The following DNAH5 variants were observed in gnomAD, a reference collection of about 807,000 sequenced individuals.
DNAH5 encodes axonemal beta dynein heavy chain 5.
In DNAH5, 372 loss-of-function variants were observed where a neutral mutation model predicts 518.2. The ratio of observed to expected loss-of-function variants is 0.72; its 90% CI spans 0.66 to 0.78. DNAH5 has a LOEUF of 0.78. Ranked by LOEUF, DNAH5 falls within the 30% of genes least tolerant of loss-of-function variation. The pLI is 0.00. For missense variants in DNAH5, 5,523 were observed against 5,687.0 expected (o/e 0.97, Z 0.93); for synonymous variants, 2,039 against 2,025.9 (o/e 1.01, Z -0.17).
At chr5:13,976,021 T>C (rs1412539651) in intron 1 of DNAH5, among the ~76,000 whole-genome samples, 2 of 152,012 alleles carry the variant, frequency 1.3e-5, no homozygotes, top group Non-Finnish European at 2.9e-5. Flanking sequence ...AAAACAAGAC[T>C]CTGCATCTAA....
chr5:13,811,616 G>C, intron 44 of DNAH5, 31 bp downstream of exon 44: 4 of 1,606,340 alleles, frequency 2.5e-6, no homozygotes, highest in Non-Finnish European at 3.4e-6. Context: ...GTTGATAAGA[G>C]AGAATTTCTC....
chr5:13,756,426 T>C (rs1751008585), intron 61 of DNAH5, among the ~76,000 whole-genome samples: 1 of 152,212 alleles, frequency 6.6e-6, no homozygotes, highest in Non-Finnish European at 1.5e-5. Flanking sequence ...TGTGGTCCCA[T>C]GATTATTTAC....
chr5:13,890,690 T>C (rs1217168440), intron 17 of DNAH5, among the ~76,000 whole-genome samples: 4 of 152,258 alleles, frequency 2.6e-5, no homozygotes, highest in East Asian at 1.9e-4. Flanking sequence ...TTCTGCAAGA[T>C]AGCTCTATCC....
At chr5:13,998,211 G>C (rs971243448) in intron 1 of DNAH5, among the ~76,000 whole-genome samples, 3 of 152,140 alleles carry the variant, frequency 2.0e-5, no homozygotes, top group Non-Finnish European at 2.9e-5. Flanking sequence ...TGTCTGGCGA[G>C]GGCTCACTCT....
At chr5:14,000,171 T>C (rs1784250599) in intron 1 of DNAH5, among the ~76,000 whole-genome samples, 1 of 152,204 alleles carries the variant, frequency 6.6e-6, no homozygotes, top group African/African-American at 2.4e-5. Flanking sequence ...CTCTATCCAA[T>C]CTGACTGGCG....
chr5:13,727,428 T>A (rs1165072016), intron 70 of DNAH5, 79 bp downstream of exon 70: 1 of 1,359,610 alleles, frequency 7.4e-7, no homozygotes, highest in Non-Finnish European at 1.0e-6. Flanking sequence ...AATTCACATT[T>A]AAAATATTTT....
At chr5:13,846,005 T>TC in intron 31 of DNAH5, among the ~76,000 whole-genome samples, 1 of 150,908 alleles carries the variant, frequency 6.6e-6, no homozygotes, top group East Asian at 1.9e-4. Context: ...TAATATTTTT[T>TC]TTTTTTTTTT....
At chr5:13,919,384 T>G in intron 6 of DNAH5, 32 bp from the exon 7 acceptor site, 4 of 1,611,366 alleles carry the variant, frequency 2.5e-6, no homozygotes, top group Non-Finnish European at 3.4e-6. Flanking sequence ...CACGAGCCAT[T>G]GCACGGGGCT....
At position 13,737,259 on chromosome 5, in the gene DNAH5, G is replaced by C; in HGVS notation, c.11448C>G (p.Tyr3816Ter). The C allele has an allele frequency of 1.2e-6, 2 of 1,613,986 alleles. No homozygotes were observed. The highest frequency in any genetic ancestry group is 1.1e-5 in the South Asian group (1 of 91,074). The change falls in exon 66 of 79, where the codon TAC becomes TAG. Residue 3816 changes from tyrosine to a stop codon, truncating the protein, a stop_gained. Coordinates refer to ENST00000265104, the MANE Select transcript of DNAH5 (RefSeq NM_001369.3). LOFTEE classifies it high-confidence loss of function. ...TTTCATTACCAAACTCACCAGGTCT[G>C]TATTCCTCCCGGGCTGAGTTAATTT... ...EVQINSAREE[Y>*]RPVATRGSIL...
At chr5:13,949,887 T>A (rs1353895485) in intron 1 of DNAH5, among the ~76,000 whole-genome samples, 1 of 152,190 alleles carries the variant, frequency 6.6e-6, no homozygotes, top group Admixed American at 6.5e-5. Context: ...ATCCTGTACA[T>A]ACTGGTTGCT....
chr5:13,919,810 G>A (rs1159487810), intron 6 of DNAH5, among the ~76,000 whole-genome samples: 1 of 152,114 alleles, frequency 6.6e-6, no homozygotes, highest in Non-Finnish European at 1.5e-5. Context: ...TTAGATTGGT[G>A]CAAAAGTAAT....
At chr5:13,906,735 AATAACAAATC>A (rs1479129886) in intron 12 of DNAH5, among the ~76,000 whole-genome samples, 1 of 152,238 alleles carries the variant, frequency 6.6e-6, no homozygotes, top group African/African-American at 2.4e-5. Context: ...CCATGAGTAA[AATAACAAATC>A]ATAACAAACA....
chr5:13,981,619 C>A (rs561757143), intron 1 of DNAH5, among the ~76,000 whole-genome samples: 3 of 152,312 alleles, frequency 2.0e-5, no homozygotes, highest in Non-Finnish European at 4.4e-5. Flanking sequence ...CTGCTCTCAT[C>A]GGTGCTACCA....
chr5:13,892,651 T>C (rs1472482816), intron 16 of DNAH5, among the ~76,000 whole-genome samples: 2 of 152,204 alleles, frequency 1.3e-5, no homozygotes, highest in African/African-American at 4.8e-5. Context: ...AACATCCAAA[T>C]TGTTAATACT....
At chr5:13,903,469 A>C (rs1242767569) in intron 12 of DNAH5, among the ~76,000 whole-genome samples, 2 of 152,070 alleles carry the variant, frequency 1.3e-5, no homozygotes, top group Non-Finnish European at 2.9e-5. Flanking sequence ...CAAATGGAAG[A>C]AGCACATCAA....
chr5:13,901,164 A>T, intron 14 of DNAH5, 88 bp downstream of exon 14: 1 of 1,427,848 alleles, frequency 7.0e-7, no homozygotes, highest in Non-Finnish European at 9.7e-7. Flanking sequence ...CTACAAATCC[A>T]GCTTTCTAAA....
chr5:13,839,284 C>T (rs1764834494), intron 35 of DNAH5, 72 bp downstream of exon 35: 1 of 1,464,698 alleles, frequency 6.8e-7, no homozygotes, highest in African/African-American at 1.4e-5. Context: ...CCCTAAGAGA[C>T]TTTAAGCAAA....
chr5:14,005,895 G>A (rs1354077001), intron 1 of DNAH5, among the ~76,000 whole-genome samples: 1 of 152,226 alleles, frequency 6.6e-6, no homozygotes, highest in African/African-American at 2.4e-5. Flanking sequence ...CTGGCAGAAT[G>A]AAGGAGGCAG....
At chr5:13,878,209 C>A (rs1771155726) in intron 21 of DNAH5, among the ~76,000 whole-genome samples, 2 of 152,194 alleles carry the variant, frequency 1.3e-5, no homozygotes, top group South Asian at 2.1e-4. Flanking sequence ...AGTGCCCCAA[C>A]TTCTGCAGCC....
Sources: gnomAD v4.1 joint callset for allele counts (sites outside exome capture counted in the v4.1 genomes callset) on GRCh38, gnomAD v4.1.1 for gene constraint, MANE v1.5 for transcripts, NCBI Gene and HGNC (gene_info 2026-07-23, HGNC 2026-07-21) for gene names.